Variants in DPP6 observed in about 807,000 individuals in gnomAD.
DPP6 encodes A-type potassium channel modulatory protein DPP6.
In DPP6, 69 loss-of-function variants were observed where a neutral mutation model predicts 122.6. The observed-to-expected ratio is 0.56, with a 90% CI of 0.46 to 0.69. The LOEUF (loss-of-function observed/expected upper bound fraction) is 0.69. DPP6 is among the 30% of genes least tolerant of loss of function. The pLI is 0.00. For missense variants in DPP6, 928 were observed against 1,116.9 expected (o/e 0.83, Z 2.41); for synonymous variants, 418 against 433.1 (o/e 0.97, Z 0.43).
At chr7:154,666,045 C>G (rs1010440072) in intron 6 of DPP6, among the ~76,000 whole-genome samples, 2 of 151,952 alleles carry the variant, frequency 1.3e-5, no homozygotes, top group African/African-American at 4.8e-5. Flanking sequence ...CACCTATACC[C>G]TATAGGTAAT....
At chr7:154,111,356 G>T (rs181297087) in intron 1 of DPP6, among the ~76,000 whole-genome samples, 2 of 152,270 alleles carry the variant, frequency 1.3e-5, no homozygotes, top group Non-Finnish European at 2.9e-5. Context: ...CATCTGTAAC[G>T]TGGGGATAAT....
rs922490730 is a variant in DPP6, at chr7:154,803,874, G to C, written c.1418G>C (p.Ser473Thr). Residue 473 changes from serine (S) to threonine (T), a missense_variant, in exon 14 of 26, where the codon AGC becomes ACC. Physicochemically the swap from Ser to Thr is moderately conservative, Grantham distance 58. Transcript: ENST00000377770. ...ITVSSSQPNS[S>T]NDNIQSITSG... is the part of the protein sequence containing the mutation. ...GTCTGTGTGTTTCAGCCCAACAGCA[G>C]CAACGACAACATCCAGTCCATCACC... 6.2e-7 allele frequency: 1 copy of C among 1,613,646 alleles called. No individual in the cohort carries two copies. Among genetic ancestry groups the C allele is most frequent in the Non-Finnish European group, 8.5e-7 (1 of 1,179,674 alleles).
chr7:154,157,750 A>G (rs1796758126), intron 1 of DPP6, among the ~76,000 whole-genome samples: 1 of 152,034 alleles, frequency 6.6e-6, no homozygotes, highest in Non-Finnish European at 1.5e-5. Flanking sequence ...CCTGACCAAC[A>G]TGGAGAAACT....
chr7:154,196,293 C>T (rs1341882307), intron 1 of DPP6, among the ~76,000 whole-genome samples: 1 of 152,166 alleles, frequency 6.6e-6, no homozygotes, highest in Non-Finnish European at 1.5e-5. Flanking sequence ...AGTTGGAGAC[C>T]AGCCTGGCCA....
intron 5 of DPP6, among the ~76,000 whole-genome samples, chr7:154,632,932 T>G (rs1006830464): frequency 1.3e-5 from 2 of 152,226 alleles, no homozygotes; most frequent in African/African-American, 4.8e-5. Context: ...AACTGCTTTC[T>G]AAAAAATTAT....
chr7:153,895,742 A>G (rs1023694682), intron 1 of DPP6, among the ~76,000 whole-genome samples: 3 of 151,580 alleles, frequency 2.0e-5, no homozygotes, highest in South Asian at 2.1e-4. Context: ...ACACACACAC[A>G]CACACACACA....
At chr7:154,076,011 C>T (rs1167490058) in intron 1 of DPP6, among the ~76,000 whole-genome samples, 3 of 151,622 alleles carry the variant, frequency 2.0e-5, no homozygotes, top group South Asian at 4.2e-4. Flanking sequence ...AAGGAATGAA[C>T]TTATAATCCA....
intron 16 of DPP6, among the ~76,000 whole-genome samples, chr7:154,826,640 C>T (rs370805819): frequency 1.3e-5 from 2 of 152,206 alleles, no homozygotes; most frequent in African/African-American, 4.8e-5. Context: ...CCAACAGCAA[C>T]GACAAAGCCT....
intron 1 of DPP6, among the ~76,000 whole-genome samples, chr7:154,076,867 T>C (rs1046952512): frequency 6.6e-6 from 1 of 151,336 alleles, no homozygotes; most frequent in Admixed American, 6.6e-5. Context: ...AATACAGCGC[T>C]TTGAAACAGA....
chr7:153,819,442 C>T, the DPP6 span, among the ~76,000 whole-genome samples: 1 of 151,114 alleles, frequency 6.6e-6, no homozygotes, highest in African/African-American at 2.4e-5. Flanking sequence ...AACCAGTACT[C>T]CTATTCCTGC....
chr7:154,802,836 CAAA>C (rs537624311), intron 13 of DPP6, among the ~76,000 whole-genome samples: 21 of 110,872 alleles, frequency 1.9e-4, no homozygotes, highest in Admixed American at 3.6e-4. Context: ...GACACTGTCT[CAAA>C]AAAAAAAAAA....
chr7:154,408,183 G>A (rs1018846178), intron 1 of DPP6, among the ~76,000 whole-genome samples: 6 of 152,152 alleles, frequency 3.9e-5, no homozygotes, highest in Non-Finnish European at 8.8e-5. Context: ...GTAGAAAAAT[G>A]AAATATGAAT....
intron 21 of DPP6, among the ~76,000 whole-genome samples, chr7:154,882,641 GTGCGTTATGT>G (rs1342808541): frequency 1.3e-5 from 2 of 152,148 alleles, no homozygotes; most frequent in African/African-American, 4.8e-5. Context: ...GGGGGCACCT[GTGCGTTATGT>G]TCTGCAGTTT....
At chr7:154,543,320 A>G (rs1828878987) in intron 4 of DPP6, among the ~76,000 whole-genome samples, 1 of 152,162 alleles carries the variant, frequency 6.6e-6, no homozygotes, top group Non-Finnish European at 1.5e-5. Flanking sequence ...CTTGACCTCT[A>G]ATAACCTCAT....
intron 1 of DPP6, among the ~76,000 whole-genome samples, chr7:154,253,632 CATG>C (rs955250357): frequency 2.0e-5 from 3 of 151,936 alleles, no homozygotes; most frequent in South Asian, 2.1e-4. Flanking sequence ...TACTGGTAAA[CATG>C]ATGATGATGA....
intron 1 of DPP6, among the ~76,000 whole-genome samples, chr7:154,406,472 C>CACGCAT (rs1816112972): frequency 1.3e-5 from 2 of 148,806 alleles, no homozygotes; most frequent in East Asian, 4.0e-4. Flanking sequence ...TGCACACGCA[C>CACGCAT]ACGCATACAC....
chr7:153,983,301 T>G (rs1796683312), intron 1 of DPP6, among the ~76,000 whole-genome samples: 1 of 152,252 alleles, frequency 6.6e-6, no homozygotes, highest in African/African-American at 2.4e-5. Context: ...CGTGCTGCCA[T>G]GGGCTCCGCC....
chr7:154,683,851 G>A (rs914171443), intron 7 of DPP6, among the ~76,000 whole-genome samples: 1 of 152,040 alleles, frequency 6.6e-6, no homozygotes, highest in African/African-American at 2.4e-5. Flanking sequence ...TATTCACAAA[G>A]TCCAGAACAC....
chr7:154,800,045 C>T (rs992269450), intron 12 of DPP6, among the ~76,000 whole-genome samples: 3 of 152,180 alleles, frequency 2.0e-5, no homozygotes, highest in Admixed American at 1.3e-4. Flanking sequence ...GTCTGCCAAA[C>T]GTGCAAACAT....
Sources: gnomAD v4.1 joint callset for allele counts (sites outside exome capture counted in the v4.1 genomes callset) on GRCh38, gnomAD v4.1.1 for gene constraint, MANE v1.5 for transcripts, NCBI Gene and HGNC (gene_info 2026-07-23, HGNC 2026-07-21) for gene names.